The following ADGB variants were observed in gnomAD, a reference collection of about 807,000 sequenced individuals.
ADGB encodes calpain-7-like protein.
ADGB carries 172 observed loss-of-function variants against 210.5 expected under a neutral mutation model. The ratio of observed to expected loss-of-function variants is 0.82; its 90% CI spans 0.72 to 0.93. ADGB has a LOEUF of 0.93. Among genes scored for constraint, ADGB ranks in the 40% least tolerant of loss-of-function variants. ADGB has a pLI of 0.00. For missense variants in ADGB, 2,025 were observed against 1,964.8 expected (o/e 1.03, Z -0.58); for synonymous variants, 658 against 662.7 (o/e 0.99, Z 0.11).
rs373714838 is a variant in ADGB at position 146,716,794 on chromosome 6, T to C, written c.1742-89T>C. The stretch of plus-strand genomic sequence containing the variant: ...TAAATATTTTCCCAAAAATAGACTT[T>C]GATATTTAAGTTTCCCTTTATCATT... On this transcript the variant is annotated intron_variant, in intron 14 of 35. Transcript: ENST00000397944. 16 of 1,264,082 alleles carry C rather than the reference T, an allele frequency of 1.3e-5. No homozygotes were observed. In the African/African-American group the frequency reaches 2.0e-4, roughly 16 times the overall value. 78.3% of individuals were successfully genotyped at this position (1,264,082 alleles called of 1,614,324 possible).
chr6:146,679,077 T>C (rs7751825), intron 9 of ADGB, among the ~76,000 whole-genome samples: 40,952 of 152,000 alleles, frequency 0.27, 6,204 homozygotes, highest in African/African-American at 0.42. Context: ...ACAAGCTGTA[T>C]TGTATATCAC....
chr6:146,718,766 C>T (rs1776772397), intron 16 of ADGB, among the ~76,000 whole-genome samples: 1 of 152,160 alleles, frequency 6.6e-6, no homozygotes, highest in Non-Finnish European at 1.5e-5. Flanking sequence ...TTTTCCATTG[C>T]CCTTGTAACA....
intron 1 of ADGB, among the ~76,000 whole-genome samples, chr6:146,602,800 A>C (rs1780579048): frequency 6.6e-6 from 1 of 152,200 alleles, no homozygotes; most frequent in African/African-American, 2.4e-5. Context: ...GAGGCGTTAA[A>C]TTCTCATAGG....
At chr6:146,735,623 C>T (rs1022379068) in intron 22 of ADGB, among the ~76,000 whole-genome samples, 3 of 152,152 alleles carry the variant, frequency 2.0e-5, no homozygotes, top group Non-Finnish European at 4.4e-5. Flanking sequence ...TCAAACCATG[C>T]ATATGGTAAA....
intron 3 of ADGB, among the ~76,000 whole-genome samples, chr6:146,645,426 GA>G (rs1197815187): frequency 6.6e-6 from 1 of 152,010 alleles, no homozygotes; most frequent in African/African-American, 2.4e-5. Flanking sequence ...TAAATCTTCA[GA>G]CACCCTAGTC....
At chr6:146,762,578 G>C (rs1777508121) in intron 27 of ADGB, among the ~76,000 whole-genome samples, 1 of 152,050 alleles carries the variant, frequency 6.6e-6, no homozygotes, top group Non-Finnish European at 1.5e-5. Context: ...CAAATTGATT[G>C]TGTGCTGTAT....
chr6:146,785,477 G>A, intron 31 of ADGB, 133 bp from the exon 32 acceptor site: 1 of 541,098 alleles, frequency 1.8e-6, no homozygotes, highest in Non-Finnish European at 3.3e-6. Flanking sequence ...GAGCTGGTCT[G>A]CTTCATTTAG....
intron 33 of ADGB, among the ~76,000 whole-genome samples, chr6:146,795,407 C>G (rs1778025113): frequency 6.6e-6 from 1 of 152,140 alleles, no homozygotes; most frequent in South Asian, 2.1e-4. Context: ...AACTATCCAT[C>G]TGACAAAGTT....
intron 9 of ADGB, among the ~76,000 whole-genome samples, chr6:146,683,870 GC>G (rs1242524861): frequency 6.6e-6 from 1 of 152,056 alleles, no homozygotes; most frequent in Admixed American, 6.6e-5. Flanking sequence ...TAAATATTAA[GC>G]TTTAGAAAAT....
At chr6:146,798,131 G>A (rs1189068963) in intron 33 of ADGB, among the ~76,000 whole-genome samples, 2 of 152,112 alleles carry the variant, frequency 1.3e-5, no homozygotes, top group Non-Finnish European at 2.9e-5. Context: ...GTGCTTACTT[G>A]ATAATTTGTT....
In ADGB at chr6:146,705,355, T is replaced by C. The variant is rs1260579495; in HGVS notation, c.1707+4285T>C. Reference sequence around the variant, plus strand: ...GTGGTTATTTTCCTTGTCTTACTCCTGATCTTAGAAGTAAAGCTTTCAACT... The same window carrying C: ...GTGGTTATTTTCCTTGTCTTACTCCCGATCTTAGAAGTAAAGCTTTCAACT... On this transcript the variant is annotated intron_variant, in intron 13 of 35. Coordinates refer to ENST00000397944, the MANE Select transcript of ADGB (RefSeq NM_024694.4). Among the ~76,000 whole-genome samples the C allele has an allele frequency of 2.0e-5, 3 of 152,290 alleles. No homozygotes were observed. The East Asian group carries it at 5.8e-4, about 29-fold the overall frequency.
intron 1 of ADGB, among the ~76,000 whole-genome samples, chr6:146,631,214 A>G (rs6919969): frequency 0.015 from 2,243 of 152,296 alleles, 63 homozygotes; most frequent in African/African-American, 0.052. Flanking sequence ...CAGTATCGAA[A>G]AACCAAATCT....
At chr6:146,694,558 T>C (rs1776379122) in intron 12 of ADGB, among the ~76,000 whole-genome samples, 2 of 152,298 alleles carry the variant, frequency 1.3e-5, no homozygotes, top group African/African-American at 4.8e-5. Context: ...AGCACCTTCC[T>C]TCCCCTTCAT....
chr6:146,676,254 A>C, intron 8 of ADGB, 59 bp from the exon 9 acceptor site: 1 of 1,401,786 alleles, frequency 7.1e-7, no homozygotes, highest in Non-Finnish European at 9.5e-7. Context: ...TGACTGAATA[A>C]GAAATATAGT....
At chr6:146,803,679 GT>G in intron 35 of ADGB, 9 of 1,263,242 alleles carry the variant, frequency 7.1e-6, no homozygotes, top group Non-Finnish European at 1.0e-5. Flanking sequence ...CAAAAGTTCC[GT>G]TTTTTAACAT....
chr6:146,679,135 G>C (rs1167830778), intron 9 of ADGB, among the ~76,000 whole-genome samples: 1 of 152,104 alleles, frequency 6.6e-6, no homozygotes, highest in Non-Finnish European at 1.5e-5. Flanking sequence ...GGCCACACCT[G>C]ACTTTAAGAG....
intron 6 of ADGB, among the ~76,000 whole-genome samples, chr6:146,666,459 T>A (rs528183371): frequency 6.6e-6 from 1 of 151,958 alleles, no homozygotes; most frequent in Non-Finnish European, 1.5e-5. Context: ...GAAATCAGAA[T>A]GATAAAAGAG....
At chr6:146,769,155 C>T (rs1376123428) in intron 29 of ADGB, 24 bp downstream of exon 29, 1 of 1,184,844 alleles carries the variant, frequency 8.4e-7, no homozygotes. Context: ...AATGTTTAAA[C>T]ATGCACTTTA....
At chr6:146,720,433 G>A (rs556834177) in intron 16 of ADGB, among the ~76,000 whole-genome samples, 14 of 152,192 alleles carry the variant, frequency 9.2e-5, no homozygotes, top group South Asian at 4.1e-4. Flanking sequence ...TACATGTAAC[G>A]TTTATGTAAC....
Sources: gnomAD v4.1 joint callset for allele counts (sites outside exome capture counted in the v4.1 genomes callset) on GRCh38, gnomAD v4.1.1 for gene constraint, MANE v1.5 for transcripts, NCBI Gene and HGNC (gene_info 2026-07-23, HGNC 2026-07-21) for gene names.